GPC5: variants seen among roughly 807,000 people sequenced by gnomAD.
GPC5 encodes the protein glypican 5, also known as glypican-5.
Under a neutral mutation model 53.9 loss-of-function variants are expected in GPC5, and 47 were observed. That is an observed-to-expected ratio of 0.87 (90% confidence interval 0.69 to 1.11). GPC5 has a LOEUF of 1.11. GPC5 is among the 50% of genes most tolerant of loss of function. The pLI is 0.00. For missense variants in GPC5, 748 were observed against 713.1 expected (o/e 1.05, Z -0.56); for synonymous variants, 286 against 263.3 (o/e 1.09, Z -0.84).
At chr13:92,620,866 C>A (rs1006599921) in intron 7 of GPC5, among the ~76,000 whole-genome samples, 5 of 152,196 alleles carry the variant, frequency 3.3e-5, no homozygotes, top group African/African-American at 1.2e-4. Flanking sequence ...TGTGGACTTA[C>A]TTTATCCCAA....
intron 6 of GPC5, among the ~76,000 whole-genome samples, chr13:92,068,518 A>T (rs2041184596): frequency 1.3e-5 from 2 of 151,578 alleles, no homozygotes; most frequent in South Asian, 4.2e-4. Context: ...ATTCTCTTAC[A>T]GTTCTTATTG....
At chr13:92,527,197 GA>G (rs1491157506) in intron 7 of GPC5, among the ~76,000 whole-genome samples, 223 of 20,816 alleles carry the variant, frequency 0.011, 11 homozygotes, top group Middle Eastern at 0.083. Context: ...AAGAAAGAAA[GA>G]AAGAAAGAAA....
At chr13:91,519,690 G>A (rs982359718) in intron 2 of GPC5, among the ~76,000 whole-genome samples, 7 of 152,134 alleles carry the variant, frequency 4.6e-5, no homozygotes, top group African/African-American at 1.7e-4. Context: ...ATAGCAGTGT[G>A]AGAATAGAAT....
In GPC5 at chr13:92,751,917, C is replaced by T. The variant is rs373213519; in HGVS notation, c.1562-114365C>T. Among the ~76,000 whole-genome samples, 8 of 152,154 alleles carry T rather than the reference C, an allele frequency of 5.3e-5. No individual in the cohort carries two copies. In the South Asian group the frequency reaches 8.3e-4, roughly 16 times the overall value. On this transcript the variant is annotated intron_variant, in intron 7 of 7. Coordinates refer to ENST00000377067, the MANE Select transcript of GPC5 (RefSeq NM_004466.6). ...CAAGATGGTTACATTGTTTCACTTG[C>T]GCTGGATCTACTCGTTTTCAGTTAC...
intron 6 of GPC5, among the ~76,000 whole-genome samples, chr13:92,053,023 TATG>T (rs1263928793): frequency 6.6e-6 from 1 of 152,184 alleles, no homozygotes; most frequent in Non-Finnish European, 1.5e-5. Context: ...TCGTTTTTAT[TATG>T]ATGATCTTGG....
intron 2 of GPC5, among the ~76,000 whole-genome samples, chr13:91,465,062 T>G (rs1882155303): frequency 6.6e-6 from 1 of 152,170 alleles, no homozygotes; most frequent in South Asian, 2.1e-4. Context: ...TTCACTTACC[T>G]TAATCAATTT....
At chr13:92,797,826 TA>T (rs1191702189) in intron 7 of GPC5, among the ~76,000 whole-genome samples, 12 of 122,494 alleles carry the variant, frequency 9.8e-5, no homozygotes, top group African/African-American at 2.6e-4. Flanking sequence ...GGATGATAGA[TA>T]GATAGATAGA....
chr13:92,504,184 C>T (rs1169517542), intron 7 of GPC5, among the ~76,000 whole-genome samples: 1 of 151,868 alleles, frequency 6.6e-6, no homozygotes, highest in Non-Finnish European at 1.5e-5. Context: ...TTATAGGATA[C>T]AAATTCACCA....
intron 7 of GPC5, among the ~76,000 whole-genome samples, chr13:92,286,931 C>T (rs979042455): frequency 1.3e-5 from 2 of 152,022 alleles, no homozygotes; most frequent in African/African-American, 2.4e-5. Context: ...TGAAAATACA[C>T]GGAAGAAAAA....
intron 7 of GPC5, among the ~76,000 whole-genome samples, chr13:92,760,085 CTT>C (rs1211054957): frequency 6.6e-6 from 1 of 151,944 alleles, no homozygotes; most frequent in Non-Finnish European, 1.5e-5. Flanking sequence ...AATGGACAAT[CTT>C]TTTTATTGAG....
At chr13:91,709,893 C>G (rs1225664506) in intron 3 of GPC5, among the ~76,000 whole-genome samples, 2 of 152,124 alleles carry the variant, frequency 1.3e-5, no homozygotes, top group African/African-American at 2.4e-5. Flanking sequence ...GTAGCTTGGC[C>G]TTCTTTGTAT....
chr13:91,861,517 G>C (rs2039028084), intron 5 of GPC5, among the ~76,000 whole-genome samples: 1 of 151,900 alleles, frequency 6.6e-6, no homozygotes, highest in South Asian at 2.1e-4. Flanking sequence ...GTATTTTGCT[G>C]ATACAGCCAC....
intron 5 of GPC5, among the ~76,000 whole-genome samples, chr13:91,898,872 T>G (rs2039469738): frequency 6.6e-6 from 1 of 152,176 alleles, no homozygotes; most frequent in Non-Finnish European, 1.5e-5. Flanking sequence ...CTTTTTACTC[T>G]TAAGCATCAA....
At chr13:91,951,531 A>C (rs184715475) in intron 6 of GPC5, among the ~76,000 whole-genome samples, 1 of 152,232 alleles carries the variant, frequency 6.6e-6, no homozygotes, top group African/African-American at 2.4e-5. Context: ...CATTGCTGAA[A>C]GTTGTGTCAG....
At chr13:91,466,186 AC>A (rs1186742247) in intron 2 of GPC5, among the ~76,000 whole-genome samples, 1 of 152,090 alleles carries the variant, frequency 6.6e-6, no homozygotes, top group Non-Finnish European at 1.5e-5. Flanking sequence ...CAGTTCCATC[AC>A]ACACACACAG....
At chr13:92,757,453 A>AT (rs1246221337) in intron 7 of GPC5, among the ~76,000 whole-genome samples, 2 of 152,246 alleles carry the variant, frequency 1.3e-5, no homozygotes, top group Non-Finnish European at 2.9e-5. Flanking sequence ...ACCAAAAGCA[A>AT]TGGCAACAGA....
intron 7 of GPC5, among the ~76,000 whole-genome samples, chr13:92,630,900 C>G (rs1885214274): frequency 6.6e-6 from 1 of 152,062 alleles, no homozygotes. Context: ...CTCTTTATGA[C>G]ACAAATCTAG....
At chr13:91,923,388 T>C (rs949250055) in intron 6 of GPC5, among the ~76,000 whole-genome samples, 1 of 152,184 alleles carries the variant, frequency 6.6e-6, no homozygotes, top group Admixed American at 6.5e-5. Flanking sequence ...CCCTATAGTT[T>C]TGAAGCAGTT....
chr13:92,457,804 A>C (rs1878329374), intron 7 of GPC5, among the ~76,000 whole-genome samples: 1 of 152,082 alleles, frequency 6.6e-6, no homozygotes. Flanking sequence ...CCTGCCATAC[A>C]TCTCTCCTCT....
Sources: allele counts gnomAD v4.1 joint callset (sites outside exome capture counted in the v4.1 genomes callset), GRCh38; gene constraint gnomAD v4.1.1; transcripts MANE v1.5; gene names NCBI Gene and HGNC (gene_info 2026-07-23, HGNC 2026-07-21).